Variants in DRC11 observed in about 807,000 individuals in gnomAD.
The protein encoded by DRC11 is dynein regulatory complex subunit 11, also known as IQ and AAA domain-containing protein 1.
At chr2:236,338,424 A>C in the DRC11 span, 89 of 1,546,678 alleles carry the variant, frequency 5.8e-5, no homozygotes, top group African/African-American at 9.6e-4. Flanking sequence ...ATAGAAAAAA[A>C]GAATGAAAAA....
chr2:236,470,978 C>T, the DRC11 span, among the ~76,000 whole-genome samples: 1 of 152,166 alleles, frequency 6.6e-6, no homozygotes, highest in Non-Finnish European at 1.5e-5. This position sits in a 1 kb window ranked among gnomAD's most constrained non-coding sequence, Gnocchi z 5.1. Flanking sequence ...TCATCTGTTA[C>T]TTTTGTGCAC....
At chr2:236,398,966 T>C in the DRC11 span, among the ~76,000 whole-genome samples, 4 of 152,304 alleles carry the variant, frequency 2.6e-5, no homozygotes, top group African/African-American at 7.2e-5. This position sits in a 1 kb window ranked among gnomAD's most constrained non-coding sequence, Gnocchi z 6.2. Flanking sequence ...TTTTAACCAA[T>C]TGTATGCTTA....
chr2:236,459,959 G>T, the DRC11 span, among the ~76,000 whole-genome samples: 3 of 152,070 alleles, frequency 2.0e-5, no homozygotes, highest in Admixed American at 6.6e-5. Flanking sequence ...CAAATCGTGG[G>T]AATGCATATT....
chr2:236,391,761 G>A, the DRC11 span, among the ~76,000 whole-genome samples: 140 of 152,290 alleles, frequency 9.2e-4, no homozygotes, highest in African/African-American at 3.1e-3. The surrounding 1 kb of genome is among the most constrained non-coding windows in gnomAD (Gnocchi z 4.5). Context: ...CTGGGGAGAT[G>A]TTACTCTCAG....
chr2:236,484,401 T>G, the DRC11 span, among the ~76,000 whole-genome samples: 1 of 152,224 alleles, frequency 6.6e-6, no homozygotes, highest in Admixed American at 6.5e-5. Flanking sequence ...CAGAAAGATG[T>G]AAGCTAAGCA....
the DRC11 span, among the ~76,000 whole-genome samples, chr2:236,463,411 T>G: frequency 6.6e-6 from 1 of 152,180 alleles, no homozygotes; most frequent in Non-Finnish European, 1.5e-5. The surrounding 1 kb of genome is among the most constrained non-coding windows in gnomAD (Gnocchi z 5.0). Context: ...TCATTCAAAA[T>G]ATCCCATTTT....
At chr2:236,369,729 ACTCG>A in the DRC11 span, among the ~76,000 whole-genome samples, 5 of 152,336 alleles carry the variant, frequency 3.3e-5, no homozygotes, top group South Asian at 1.0e-3. The surrounding 1 kb of genome is among the most constrained non-coding windows in gnomAD (Gnocchi z 4.5). Context: ...AAGGTCTGAG[ACTCG>A]CACTGAAAGC....
the DRC11 span, among the ~76,000 whole-genome samples, chr2:236,478,021 G>T: frequency 3.3e-5 from 5 of 151,748 alleles, no homozygotes; most frequent in Non-Finnish European, 7.4e-5. This position sits in a 1 kb window ranked among gnomAD's most constrained non-coding sequence, Gnocchi z 5.9. Flanking sequence ...GTGTGTGTGT[G>T]TGTGTGTGTG....
chr2:236,372,777 T>C, the DRC11 span, among the ~76,000 whole-genome samples: 1 of 152,140 alleles, frequency 6.6e-6, no homozygotes, highest in African/African-American at 2.4e-5. This position sits in a 1 kb window ranked among gnomAD's most constrained non-coding sequence, Gnocchi z 4.5. Context: ...GCCTAGCTAC[T>C]TTTTATTTTT....
the DRC11 span, among the ~76,000 whole-genome samples, chr2:236,487,465 GC>G: frequency 1.3e-5 from 2 of 151,782 alleles, no homozygotes; most frequent in Admixed American, 6.6e-5. Flanking sequence ...ATATCACCTT[GC>G]CATCTGCTGT....
chr2:236,401,130 C>A, the DRC11 span, among the ~76,000 whole-genome samples: 1 of 152,280 alleles, frequency 6.6e-6, no homozygotes, highest in South Asian at 2.1e-4. The surrounding 1 kb of genome is among the most constrained non-coding windows in gnomAD (Gnocchi z 4.6). Context: ...AGACCACACA[C>A]AACCCCCACA....
chr2:236,400,746 G>T, the DRC11 span, among the ~76,000 whole-genome samples: 1 of 152,164 alleles, frequency 6.6e-6, no homozygotes, highest in Non-Finnish European at 1.5e-5. This position sits in a 1 kb window ranked among gnomAD's most constrained non-coding sequence, Gnocchi z 7.9. Flanking sequence ...TTCCGTTTCT[G>T]GGCTCCAGGG....
chr2:236,407,700 T>G, the DRC11 span: 2 of 263,740 alleles, frequency 7.6e-6, no homozygotes, highest in Non-Finnish European at 1.5e-5. Context: ...CTCTGCTGCA[T>G]CATTTCCCCC....
chr2:236,478,995 T>TTG, the DRC11 span, among the ~76,000 whole-genome samples: 4 of 152,096 alleles, frequency 2.6e-5, no homozygotes, highest in African/African-American at 9.7e-5. This position sits in a 1 kb window ranked among gnomAD's most constrained non-coding sequence, Gnocchi z 5.9. Flanking sequence ...TGGCTAATTT[T>TTG]TGTATTTTTA....
At chr2:236,355,004 C>T in the DRC11 span, among the ~76,000 whole-genome samples, 31 of 152,334 alleles carry the variant, frequency 2.0e-4, no homozygotes, top group African/African-American at 7.2e-4. Flanking sequence ...TCTTTTTTCT[C>T]CTTCTTTCTT....
the DRC11 span, among the ~76,000 whole-genome samples, chr2:236,423,694 T>C: frequency 2.6e-5 from 4 of 152,284 alleles, no homozygotes; most frequent in African/African-American, 4.8e-5. Flanking sequence ...AGCCATCCCA[T>C]TACTGGGTAT....
chr2:236,326,616 T>G, the DRC11 span, among the ~76,000 whole-genome samples: 1 of 152,218 alleles, frequency 6.6e-6, no homozygotes, highest in African/African-American at 2.4e-5. Context: ...GTAATATTTT[T>G]TCATAATTAT....
chr2:236,491,271 T>TATATATATATATATATATATAC, the DRC11 span, among the ~76,000 whole-genome samples: 1 of 67,448 alleles, frequency 1.5e-5, no homozygotes, highest in African/African-American at 6.9e-5. Flanking sequence ...TATATATATA[T>TATATATATATATATATATATAC]ACACACAGTA....
the DRC11 span, among the ~76,000 whole-genome samples, chr2:236,314,355 A>G: frequency 6.6e-6 from 1 of 152,220 alleles, no homozygotes; most frequent in Non-Finnish European, 1.5e-5. This position sits in a 1 kb window ranked among gnomAD's most constrained non-coding sequence, Gnocchi z 4.5. Flanking sequence ...TATAGTTTCA[A>G]AACTTTGTAC....
Sources: gnomAD v4.1 joint callset for allele counts (sites outside exome capture counted in the v4.1 genomes callset) on GRCh38, gnomAD v4.1.1 for gene constraint, Gnocchi (gnomAD v3.1) non-coding constraint, MANE v1.5 for transcripts, NCBI Gene and HGNC (gene_info 2026-07-23, HGNC 2026-07-21) for gene names.